The following CSMD3 variants were observed in gnomAD, a reference collection of about 807,000 sequenced individuals.
The protein encoded by CSMD3 is CUB and Sushi multiple domains 3, also known as CUB and sushi domain-containing protein 3.
CSMD3 carries 177 observed loss-of-function variants against 435.2 expected under a neutral mutation model. The ratio of observed to expected loss-of-function variants is 0.41; its 90% CI spans 0.36 to 0.46. The LOEUF (loss-of-function observed/expected upper bound fraction) is 0.46, where lower values mean the gene tolerates loss of function less well. CSMD3 is among the 20% of genes least tolerant of loss of function. The pLI is 0.34. For synonymous variants in CSMD3, 1,656 were observed against 1,520.5 expected (o/e 1.09, Z -2.07); for missense variants, 4,265 against 4,504.6 (o/e 0.95, Z 1.52).
rs145441755 is a variant in CSMD3 at position 113,126,051 on chromosome 8, T to A, written c.710-27088A>T. On this transcript the variant is annotated intron_variant, in intron 4 of 70. Transcript: ENST00000297405. Reference sequence around the variant, plus strand: ...TTATCATTGTACTGATGTTACAGTATAATTATCTCCATTTTAATACTAACG... The same window carrying A: ...TTATCATTGTACTGATGTTACAGTAAAATTATCTCCATTTTAATACTAACG... Among the ~76,000 whole-genome samples, 935 of 152,134 alleles carry A rather than the reference T, an allele frequency of 6.1e-3. 32 individuals are homozygous for A. The highest frequency in any genetic ancestry group is 0.051 in the Admixed American group (772 of 15,226).
At chr8:112,930,352 A>G (rs2130702221) in intron 9 of CSMD3, among the ~76,000 whole-genome samples, 1 of 152,236 alleles carries the variant, frequency 6.6e-6, no homozygotes, top group Non-Finnish European at 1.5e-5. Context: ...ATTATATTAA[A>G]CTTTGATCTC....
At chr8:113,042,346 A>G (rs2087659227) in intron 5 of CSMD3, among the ~76,000 whole-genome samples, 1 of 152,198 alleles carries the variant, frequency 6.6e-6, no homozygotes, top group African/African-American at 2.4e-5. Context: ...GATAGACAGC[A>G]AAAGTATAAG....
At chr8:112,324,414 A>C (rs1437283408) in intron 45 of CSMD3, among the ~76,000 whole-genome samples, 1 of 152,106 alleles carries the variant, frequency 6.6e-6, no homozygotes, top group African/African-American at 2.4e-5. Context: ...TTATTAAATA[A>C]GTTATTATTG....
intron 13 of CSMD3, among the ~76,000 whole-genome samples, chr8:112,714,008 C>T (rs2076668917): frequency 1.3e-5 from 2 of 152,248 alleles, no homozygotes; most frequent in South Asian, 2.1e-4. Context: ...GAAGAAACTG[C>T]ATCAACTAGT....
In CSMD3 at chr8:112,985,433, A is replaced by G. The variant is rs73347962; in HGVS notation, c.1031-9285T>C. ...TAACTTGAAAAAATGAAGCATCACT[A>G]AAGGACATAAAGCATGAGACTGATA... is the stretch of plus-strand genomic sequence containing the variant. On this transcript the variant is annotated intron_variant, in intron 6 of 70. Coordinates refer to ENST00000297405, the MANE Select transcript of CSMD3 (RefSeq NM_198123.2). Among the ~76,000 whole-genome samples the G allele has an allele frequency of 3.5e-3, 537 of 152,190 alleles. 3 individuals are homozygous for G. The highest frequency in any genetic ancestry group is 0.012 in the African/African-American group (501 of 41,544).
intron 32 of CSMD3, among the ~76,000 whole-genome samples, chr8:112,451,806 G>A (rs1169900868): frequency 6.6e-6 from 1 of 152,142 alleles, no homozygotes; most frequent in Non-Finnish European, 1.5e-5. Flanking sequence ...CCAAAGTGCT[G>A]GGATTACAGG....
intron 6 of CSMD3, among the ~76,000 whole-genome samples, chr8:113,014,158 T>G (rs2086364382): frequency 6.6e-6 from 1 of 152,148 alleles, no homozygotes; most frequent in East Asian, 1.9e-4. Context: ...GTTTCTAACC[T>G]GTTAGTCACA....
chr8:113,109,839 C>T (rs555818939), intron 4 of CSMD3, among the ~76,000 whole-genome samples: 54 of 152,284 alleles, frequency 3.5e-4, no homozygotes, highest in Admixed American at 3.2e-3. Flanking sequence ...TTTCTGAGTT[C>T]CACAGCTTTC....
intron 69 of CSMD3, among the ~76,000 whole-genome samples, 192 bp downstream of exon 69, chr8:112,231,353 T>C (rs1813070228): frequency 6.6e-6 from 1 of 152,202 alleles, no homozygotes; most frequent in Non-Finnish European, 1.5e-5. Context: ...CTGTACAGAG[T>C]TGGTACATAA....
rs188420939 is a variant in CSMD3 at position 112,920,831 on chromosome 8, C to G, written c.1633+796G>C. Among the ~76,000 whole-genome samples the G allele has an allele frequency of 3.7e-3, 560 of 151,544 alleles. 5 individuals carry two copies. Among genetic ancestry groups the G allele is most frequent in the African/African-American group, 0.012 (487 of 41,344 alleles). ...TTCTAAGTAGCTGTACAAAATGTCA[C>G]TTGCCTTTCATAATATTTTCTTCTA... On this transcript the variant is annotated intron_variant, in intron 10 of 70. Coordinates refer to ENST00000297405, the MANE Select transcript of CSMD3 (RefSeq NM_198123.2).
chr8:112,409,210 T>G (rs1158510712), intron 32 of CSMD3, among the ~76,000 whole-genome samples, 178 bp from the exon 33 acceptor site: 1 of 152,064 alleles, frequency 6.6e-6, no homozygotes, highest in Admixed American at 6.6e-5. Context: ...ACACATGTAC[T>G]TCAGGTCATA....
At chr8:113,402,237 GATT>G (rs34149874) in intron 1 of CSMD3, among the ~76,000 whole-genome samples, 69,361 of 150,350 alleles carry the variant, frequency 0.46, 16,278 homozygotes, top group Middle Eastern at 0.53. Flanking sequence ...CATCACCAAG[GATT>G]ATTAATTTTC....
intron 10 of CSMD3, among the ~76,000 whole-genome samples, chr8:112,908,891 A>G (rs953407828): frequency 5.3e-5 from 8 of 151,576 alleles, no homozygotes; most frequent in African/African-American, 1.9e-4. Context: ...TGCATAATTT[A>G]GAAATAAACT....
At chr8:112,357,481 T>G (rs769710116) in intron 38 of CSMD3, among the ~76,000 whole-genome samples, 4 of 152,036 alleles carry the variant, frequency 2.6e-5, no homozygotes, top group Non-Finnish European at 5.9e-5. Flanking sequence ...GCTGCATAAA[T>G]TTGCATAAGC....
At chr8:112,674,963 A>G (rs1256367513) in intron 16 of CSMD3, among the ~76,000 whole-genome samples, 1 of 152,174 alleles carries the variant, frequency 6.6e-6, no homozygotes, top group Non-Finnish European at 1.5e-5. Context: ...AAAGACATAT[A>G]GATCTCCCTA....
chr8:112,675,713 T>C (rs2075756470), intron 16 of CSMD3, among the ~76,000 whole-genome samples: 1 of 152,098 alleles, frequency 6.6e-6, no homozygotes, highest in Non-Finnish European at 1.5e-5. Context: ...GACAAGGTAC[T>C]GCTTAGGGGA....
At chr8:113,045,489 A>C (rs779492483) in intron 5 of CSMD3, among the ~76,000 whole-genome samples, 1 of 149,516 alleles carries the variant, frequency 6.7e-6, no homozygotes, top group Non-Finnish European at 1.5e-5. Context: ...ACTAAATTCT[A>C]ATTTTACTCT....
Position 112,314,510 on chromosome 8 carries a change from C to G in CSMD3, c.7468G>C (p.Val2490Leu), listed in dbSNP as rs770051225. 1 of 1,612,306 alleles carries G rather than the reference C, an allele frequency of 6.2e-7. No homozygotes were observed. Among genetic ancestry groups the G allele is most frequent in the Non-Finnish European group, 8.5e-7 (1 of 1,178,508 alleles). Residue 2490 changes from valine (V) to leucine (L), a missense_variant, in exon 48 of 71, where the codon GTG becomes CTG. Val to Leu is a conservative substitution (Grantham distance 32). Coordinates refer to ENST00000297405, the MANE Select transcript of CSMD3 (RefSeq NM_198123.2). ...ATGGTGATATTATAACCCTTTTCCA[C>G]TGAAATGCTCCATGCACACATTTGA... ...NLQMCAWSIS[V>L]EKGYNITMFV...
intron 3 of CSMD3, among the ~76,000 whole-genome samples, chr8:113,193,968 C>T (rs1320097483): frequency 1.3e-5 from 2 of 151,144 alleles, no homozygotes. Context: ...CTTCAGTGTA[C>T]ACACTATGTG....
Sources: gnomAD v4.1 joint callset for allele counts (sites outside exome capture counted in the v4.1 genomes callset) on GRCh38, gnomAD v4.1.1 for gene constraint, MANE v1.5 for transcripts, NCBI Gene and HGNC (gene_info 2026-07-23, HGNC 2026-07-21) for gene names.